ZNF721: variants seen among roughly 807,000 people sequenced by gnomAD.
ZNF721 encodes the protein zinc finger protein 721.
In ZNF721, 2 loss-of-function variants were observed where a neutral mutation model predicts 2.4. The observed-to-expected ratio is 0.82, with a 90% CI of 0.34 to 2.58. ZNF721 has a LOEUF of 2.58. Ranked by LOEUF, ZNF721 falls within the 30% of genes most tolerant of loss-of-function variation. The pLI, the probability that ZNF721 is intolerant of heterozygous loss-of-function variation, is 0.11. For missense variants in ZNF721, 1,187 were observed against 1,085.5 expected (o/e 1.09, Z -1.31); for synonymous variants, 398 against 381.8 (o/e 1.04, Z -0.50).
intron 1 of ZNF721, among the ~76,000 whole-genome samples, chr4:483,090 A>C (rs1715810567): frequency 6.6e-6 from 1 of 152,214 alleles, no homozygotes; most frequent in Non-Finnish European, 1.5e-5. Flanking sequence ...AAATGAAAAT[A>C]ATAAAGTGGG....
rs1714267622 is a variant in ZNF721, at chr4:442,189, T to C, written c.2278A>G (p.Lys760Glu). 1 of 1,612,314 alleles carries C rather than the reference T, an allele frequency of 6.2e-7. No homozygotes were observed. The highest frequency in any genetic ancestry group is 8.5e-7 in the Non-Finnish European group (1 of 1,178,802). ...AGGTGTGAGGACTGTTTAAACACTT[T>C]CCCACATTCTTTACATTTGTAGAGT... Reference protein sequence around the residue: ...DKLYKCKECGKVFKQSSHLNR... With the variant: ...DKLYKCKECGEVFKQSSHLNR... Residue 760 changes from lysine (K) to glutamate (E), a missense_variant, in exon 3 of 3, where the codon AAA becomes GAA. Transcript: ENST00000511833.
chr4:450,956 A>AAATAT (rs1714637638), intron 2 of ZNF721, among the ~76,000 whole-genome samples: 3 of 63,774 alleles, frequency 4.7e-5, no homozygotes, highest in African/African-American at 2.3e-4. Flanking sequence ...AAAAAAAAAA[A>AAATAT]ATATATATAT....
At chr4:496,603 A>G (rs1239996611) in intron 1 of ZNF721, among the ~76,000 whole-genome samples, 3 of 151,980 alleles carry the variant, frequency 2.0e-5, no homozygotes, top group East Asian at 1.9e-4. Flanking sequence ...GTCAAATCCG[A>G]TAAGGGAAAG....
At chr4:484,842 CTGT>C (rs1350814947) in intron 1 of ZNF721, among the ~76,000 whole-genome samples, 1 of 152,178 alleles carries the variant, frequency 6.6e-6, no homozygotes, top group African/African-American at 2.4e-5. Flanking sequence ...TTCTATTACC[CTGT>C]TAAGTACTTG....
At chr4:474,927 G>C (rs915600616) in intron 1 of ZNF721, among the ~76,000 whole-genome samples, 3 of 151,958 alleles carry the variant, frequency 2.0e-5, no homozygotes, top group Non-Finnish European at 4.4e-5. Context: ...AGTGGCTCAC[G>C]CCTGTAATCC....
Position 441,164 on chromosome 4 carries a change from T to G in ZNF721, c.*531A>C, listed in dbSNP as rs1714219773. On this transcript the variant is annotated 3_prime_UTR_variant, in exon 3 of 3. Coordinates refer to ENST00000511833, the MANE Select transcript of ZNF721 (RefSeq NM_133474.4). ...TAGAGCCCTCTTTATCTTTGTATTC[T>G]CTGTCTTAAGACTATTCTTCACTTT... 6.7e-6 allele frequency: 1 copy of G among 149,256 alleles called. No homozygotes were observed. Among genetic ancestry groups the G allele is most frequent in the Non-Finnish European group, 1.5e-5 (1 of 68,328 alleles). 9.2% of individuals were successfully genotyped at this position (149,256 alleles called of 1,614,324 possible).
chr4:495,492 G>T (rs1553872099), intron 1 of ZNF721, among the ~76,000 whole-genome samples: 2 of 149,540 alleles, frequency 1.3e-5, no homozygotes, highest in African/African-American at 2.5e-5. Flanking sequence ...TCTCGATCAG[G>T]GGTAGCTTTG....
chr4:492,531 G>GT (rs1372247226), intron 1 of ZNF721, among the ~76,000 whole-genome samples: 1 of 150,188 alleles, frequency 6.7e-6, no homozygotes, highest in Non-Finnish European at 1.5e-5. Flanking sequence ...GTGTATAAGT[G>GT]TTTTTTTACA....
Position 443,757 on chromosome 4 carries a change from T to C in ZNF721, c.710A>G (p.Asn237Ser). 1 of 1,614,062 alleles carries C rather than the reference T, an allele frequency of 6.2e-7. No individual in the cohort carries two copies. ...TCCAGTATGAATTTTCTCATGTTTA[T>C]TCAGGTGTGAGGAATGCATAAAGGC... ...GKAFMHSSHL[N>S]KHEKIHTGEK... Residue 237 changes from asparagine (N) to serine (S), a missense_variant, in exon 3 of 3, where the codon AAT becomes AGT. Asn to Ser is a conservative substitution (Grantham distance 46). Coordinates refer to ENST00000511833, the MANE Select transcript of ZNF721 (RefSeq NM_133474.4).
At chr4:484,060 G>T (rs1355175141) in intron 1 of ZNF721, among the ~76,000 whole-genome samples, 1 of 152,314 alleles carries the variant, frequency 6.6e-6, no homozygotes, top group South Asian at 2.1e-4. Flanking sequence ...GGAGGGACCA[G>T]CTGAAGCCAT....
At chr4:491,718 G>T (rs905647533) in intron 1 of ZNF721, among the ~76,000 whole-genome samples, 3 of 152,178 alleles carry the variant, frequency 2.0e-5, no homozygotes, top group African/African-American at 7.2e-5. Context: ...TTCAGACTAC[G>T]TCATGACAAA....
chr4:486,829 G>A (rs1299062156), intron 1 of ZNF721, among the ~76,000 whole-genome samples: 2 of 152,044 alleles, frequency 1.3e-5, no homozygotes, highest in Non-Finnish European at 2.9e-5. Flanking sequence ...AAATTGTTTC[G>A]CTTTTCCCAA....
rs782410956 is a variant in ZNF721 at position 443,871 on chromosome 4, T to C, written c.596A>G (p.Asp199Gly). 1.1e-5 allele frequency: 17 copies of C among 1,613,814 alleles called. No individual in the cohort carries two copies. The East Asian group carries it at 3.1e-4, about 30-fold the overall frequency. ...GTTTGTGGACCATCCAAAGGCTCTG[T>C]CACGATCTTCACCTGTGTAAGCTTT... ...REKAYTGEDRDRAFGWSTNLN... is the reference protein window; with the variant it reads ...REKAYTGEDRGRAFGWSTNLN... The change falls in exon 3 of 3, where the codon GAC becomes GGC. Residue 199 changes from aspartate to glycine, a missense_variant. Transcript: ENST00000511833.
intron 2 of ZNF721, among the ~76,000 whole-genome samples, chr4:446,200 C>G (rs1714467627): frequency 6.6e-6 from 1 of 152,070 alleles, no homozygotes; most frequent in South Asian, 2.1e-4. Context: ...TGCACGTACA[C>G]AAAGTTCTGT....
chr4:477,392 C>T (rs1398907880), intron 1 of ZNF721, among the ~76,000 whole-genome samples: 1 of 151,408 alleles, frequency 6.6e-6, no homozygotes, highest in Non-Finnish European at 1.5e-5. Flanking sequence ...CGCCAGCCAA[C>T]ACACCCAGCT....
rs536561949 is a variant in ZNF721 at position 465,593 on chromosome 4, G to A, written c.34+6982C>T. 6.1e-4 allele frequency among the ~76,000 whole-genome samples: 93 copies of A among 151,908 alleles called. 1 individual carries two copies. The East Asian group carries it at 9.1e-3, about 15-fold the overall frequency. ...ACTACAGGCATCCACCACCATGCCCGGCTAATTTTTTTGTATTTTTAGTAG... is the reference window on the plus strand; with the variant it reads ...ACTACAGGCATCCACCACCATGCCCAGCTAATTTTTTTGTATTTTTAGTAG... On this transcript the variant is annotated intron_variant, in intron 2 of 2. Transcript: ENST00000511833.
At position 464,290 on chromosome 4, in the gene ZNF721, G is replaced by C. The variant is rs1715167803; in HGVS notation, c.34+8285C>G. On this transcript the variant is annotated intron_variant, in intron 2 of 2. Coordinates refer to ENST00000511833, the MANE Select transcript of ZNF721 (RefSeq NM_133474.4). Reference sequence around the variant, plus strand: ...GTTCAAGACCAGCCTGGCCAACATGGTGAAACCCATCTCTACTAAAAATAC... The same window carrying C: ...GTTCAAGACCAGCCTGGCCAACATGCTGAAACCCATCTCTACTAAAAATAC... Among the ~76,000 whole-genome samples, 8 of 152,120 alleles carry C rather than the reference G, an allele frequency of 5.3e-5. No homozygotes were observed. In the South Asian group the frequency reaches 1.7e-3, roughly 32 times the overall value.
chr4:483,738 G>A (rs1553869852), intron 1 of ZNF721, among the ~76,000 whole-genome samples: 3 of 152,108 alleles, frequency 2.0e-5, no homozygotes, highest in African/African-American at 7.2e-5. Flanking sequence ...ATTTCTGTAT[G>A]CATGTTATAC....
At chr4:497,723 T>C (rs1387899252) in intron 1 of ZNF721, among the ~76,000 whole-genome samples, 2 of 79,544 alleles carry the variant, frequency 2.5e-5, no homozygotes, top group African/African-American at 1.1e-4. Flanking sequence ...CCGTCACTAC[T>C]AAAAAATACA....
Sources: allele counts gnomAD v4.1 joint callset (sites outside exome capture counted in the v4.1 genomes callset), GRCh38; gene constraint gnomAD v4.1.1; transcripts MANE v1.5; gene names NCBI Gene and HGNC (gene_info 2026-07-23, HGNC 2026-07-21).